Variants in POLR2B observed in about 807,000 individuals in gnomAD.
POLR2B encodes the protein RNA polymerase II subunit B, also known as DNA-directed RNA polymerase II subunit RPB2.
POLR2B carries 57 observed loss-of-function variants against 144.6 expected under a neutral mutation model. The observed-to-expected ratio is 0.39, with a 90% confidence interval of 0.32 to 0.49. POLR2B has a LOEUF of 0.49. POLR2B is among the 20% of genes least tolerant of loss of function. The pLI is 0.83. For synonymous variants in POLR2B, 442 were observed against 469.8 expected (o/e 0.94, Z 0.77); for missense variants, 595 against 1,467.4 (o/e 0.41, Z 9.71).
At chr4:57,012,389 A>AGT (rs1248119312) in intron 13 of POLR2B, among the ~76,000 whole-genome samples, 6 of 149,000 alleles carry the variant, frequency 4.0e-5, no homozygotes, top group Non-Finnish European at 8.9e-5. Context: ...TGGGTGACAG[A>AGT]GTGAGACTCT....
intron 2 of POLR2B, 42 bp from the exon 3 acceptor site, chr4:56,990,706 T>C: frequency 6.5e-7 from 1 of 1,527,814 alleles, no homozygotes; most frequent in Non-Finnish European, 8.9e-7. Context: ...TGCTAGAAAT[T>C]ATCACTGAGT....
chr4:57,025,638 C>A, intron 23 of POLR2B, 101 bp downstream of exon 23: 1 of 706,844 alleles, frequency 1.4e-6, no homozygotes. Flanking sequence ...GCCTGTGTGC[C>A]TGTTACCCCC....
chr4:57,026,390 T>A (rs1409813658), intron 23 of POLR2B, among the ~76,000 whole-genome samples: 1 of 152,174 alleles, frequency 6.6e-6, no homozygotes, highest in East Asian at 1.9e-4. Context: ...TGATTATTTT[T>A]AAGCAAAGCC....
chr4:57,024,381 T>C (rs1439928937), intron 21 of POLR2B, among the ~76,000 whole-genome samples: 1 of 152,370 alleles, frequency 6.6e-6, no homozygotes, highest in Middle Eastern at 3.4e-3. Context: ...GATGAACAGT[T>C]AATTTGTTGA....
intron 12 of POLR2B, 28 bp from the exon 13 acceptor site, chr4:57,010,961 G>A: frequency 6.2e-6 from 10 of 1,601,980 alleles, no homozygotes; most frequent in Non-Finnish European, 8.6e-6. Flanking sequence ...ATTGTTAAGT[G>A]TAAAATGCTT....
chr4:57,028,666 A>G (rs1395759050), intron 23 of POLR2B, among the ~76,000 whole-genome samples: 1 of 152,168 alleles, frequency 6.6e-6, no homozygotes, highest in African/African-American at 2.4e-5. Context: ...CATCAGTGCA[A>G]ATGTAAACAC....
At chr4:57,011,949 C>A (rs995174995) in intron 13 of POLR2B, among the ~76,000 whole-genome samples, 1 of 152,086 alleles carries the variant, frequency 6.6e-6, no homozygotes, top group African/African-American at 2.4e-5. Flanking sequence ...TTTTGGGAAT[C>A]TTTTTATAAA....
chr4:57,017,778 C>T lies in POLR2B; in HGVS notation c.2323+50C>T, dbSNP rs1250804522. On this transcript the variant is annotated intron_variant, in intron 16 of 24. Transcript: ENST00000314595. The surrounding 1 kb of genome is among the most constrained non-coding windows in gnomAD (Gnocchi z 4.8). ...ATTTAAGATCCTTCTGTGCTTAAGG[C>T]ACTTTTCTGGGTGCTTGGGAGGATT... The T allele has an allele frequency of 1.4e-6, 2 of 1,412,032 alleles. No homozygotes were observed. Among genetic ancestry groups the T allele is most frequent in the South Asian group, 2.5e-5 (2 of 80,724 alleles). 87.5% of individuals were successfully genotyped at this position (1,412,032 alleles called of 1,614,324 possible).
chr4:57,014,454 C>A (rs898420714), intron 13 of POLR2B, among the ~76,000 whole-genome samples: 1 of 150,912 alleles, frequency 6.6e-6, no homozygotes, highest in Non-Finnish European at 1.5e-5. Flanking sequence ...CTTTGCCTCA[C>A]AAAGTGTTGG....
intron 7 of POLR2B, among the ~76,000 whole-genome samples, chr4:57,003,579 G>A (rs1722918438): frequency 6.6e-6 from 1 of 152,192 alleles, no homozygotes; most frequent in African/African-American, 2.4e-5. Flanking sequence ...TAGAATGGGT[G>A]CAGTGGCTCA....
chr4:57,027,576 G>A (rs1417343869), intron 23 of POLR2B, among the ~76,000 whole-genome samples: 1 of 152,222 alleles, frequency 6.6e-6, no homozygotes, highest in East Asian at 1.9e-4. Context: ...CTCCCAAAGT[G>A]CTGGGATTAC....
chr4:56,991,813 T>C (rs1276712707), intron 3 of POLR2B, among the ~76,000 whole-genome samples: 1 of 152,126 alleles, frequency 6.6e-6, no homozygotes, highest in Non-Finnish European at 1.5e-5. Flanking sequence ...CCCACCACCA[T>C]GCTTGGCTAA....
chr4:57,025,581 T>C lies in POLR2B; in HGVS notation c.3239+44T>C, dbSNP rs777476061. On this transcript the variant is annotated intron_variant, in intron 23 of 24. Coordinates refer to ENST00000314595, the MANE Select transcript of POLR2B (RefSeq NM_000938.3). ...TCATTATTATTAATTAACCTTATAT[T>C]ATGAAAAATGTCAACACACCAAAAT... 5.9e-6 allele frequency: 8 copies of C among 1,356,274 alleles called. No homozygotes were observed. The African/African-American group carries it at 1.0e-4, about 17-fold the overall frequency. 84.0% of individuals were successfully genotyped at this position (1,356,274 alleles called of 1,614,324 possible).
intron 18 of POLR2B, among the ~76,000 whole-genome samples, 184 bp downstream of exon 18, chr4:57,022,430 TAA>T (rs1041963554): frequency 6.6e-6 from 1 of 152,162 alleles, no homozygotes; most frequent in Admixed American, 6.5e-5. Flanking sequence ...GTGTATTTGA[TAA>T]AAGTCTTTGC....
At chr4:56,991,213 G>T (rs551629014) in intron 3 of POLR2B, among the ~76,000 whole-genome samples, 97 of 152,150 alleles carry the variant, frequency 6.4e-4, no homozygotes, top group Non-Finnish European at 1.1e-3. Context: ...TTCTCTCACA[G>T]TGTAAAAATA....
At chr4:56,987,410 TC>T (rs1722366592) in intron 2 of POLR2B, among the ~76,000 whole-genome samples, 2 of 1,936 alleles carry the variant, frequency 1.0e-3, no homozygotes, top group Admixed American at 0.019. Flanking sequence ...AACTCTTCTC[TC>T]TCTTCTCTCA....
At chr4:56,997,197 A>G (rs1240955332) in intron 6 of POLR2B, among the ~76,000 whole-genome samples, 1 of 152,166 alleles carries the variant, frequency 6.6e-6, no homozygotes, top group Admixed American at 6.5e-5. Context: ...CCTATTACAT[A>G]TAACAGTTTT....
chr4:56,986,468 A>G, intron 2 of POLR2B, 42 bp downstream of exon 2: 1 of 1,175,568 alleles, frequency 8.5e-7, no homozygotes, highest in Non-Finnish European at 1.3e-6. Context: ...AAGGCACTTT[A>G]GATTTCCTGC....
intron 9 of POLR2B, among the ~76,000 whole-genome samples, chr4:57,006,007 T>A (rs752749055): frequency 6.6e-6 from 1 of 152,218 alleles, no homozygotes; most frequent in Non-Finnish European, 1.5e-5. Context: ...AGGGCTAATA[T>A]TGGATTTTGT....
Sources: gnomAD v4.1 joint callset for allele counts (sites outside exome capture counted in the v4.1 genomes callset) on GRCh38, gnomAD v4.1.1 for gene constraint, Gnocchi (gnomAD v3.1) non-coding constraint, MANE v1.5 for transcripts, NCBI Gene and HGNC (gene_info 2026-07-23, HGNC 2026-07-21) for gene names.